CHAF1A: variants seen among roughly 807,000 people sequenced by gnomAD.
The protein encoded by CHAF1A is CAF-1 subunit A.
In CHAF1A, 5 loss-of-function variants were observed where a neutral mutation model predicts 93.2. The observed-to-expected ratio is 0.05, with a 90% CI of 0.03 to 0.11. The LOEUF (loss-of-function observed/expected upper bound fraction) is 0.11, where lower values mean the gene tolerates loss of function less well. CHAF1A is among the 10% of genes least tolerant of loss of function. The probability of loss-of-function intolerance (pLI) is 1.00; values close to 1 mark genes in which losing one functional copy is unlikely to be tolerated. For synonymous variants in CHAF1A, 504 were observed against 510.3 expected (o/e 0.99, Z 0.17); for missense variants, 1,102 against 1,259.9 (o/e 0.87, Z 1.90).
downstream of CHAF1A, chr19:4,447,077 C>T (rs1462094000): frequency 1.5e-6 from 1 of 675,222 alleles, no homozygotes; most frequent in Non-Finnish European, 2.5e-6. Context: ...GGATGCAAAC[C>T]TGCTTTTCTA....
chr19:4,448,127 T>C (rs1974576807), downstream of CHAF1A: 1 of 607,752 alleles, frequency 1.6e-6, no homozygotes. Context: ...TGCACACGGG[T>C]AAACTGAGGC....
downstream of CHAF1A, chr19:4,446,859 A>C: frequency 6.2e-7 from 1 of 1,613,916 alleles, no homozygotes; most frequent in Non-Finnish European, 8.5e-7. Flanking sequence ...GGGAAGCAAC[A>C]CCTTCTGGAA....
chr19:4,431,128 CTTT>C (rs1275892345), intron 11 of CHAF1A: 3 of 143,962 alleles, frequency 2.1e-5, no homozygotes, highest in Admixed American at 7.0e-5. Context: ...GTGGAACTGT[CTTT>C]TTTTTTTTTT....
chr19:4,435,087 C>CTTTTTTTTTTTT (rs869255408), intron 13 of CHAF1A, among the ~76,000 whole-genome samples: 6 of 87,964 alleles, frequency 6.8e-5, no homozygotes, highest in African/African-American at 1.9e-4. Flanking sequence ...CTTTTTTTTC[C>CTTTTTTTTTTTT]TTTTTTTTTT....
intron 2 of CHAF1A, among the ~76,000 whole-genome samples, chr19:4,408,278 C>T (rs910319360): frequency 4.7e-5 from 7 of 148,808 alleles, no homozygotes; most frequent in African/African-American, 1.5e-4. Flanking sequence ...CTGCAGGCTC[C>T]GCCCCCCGGG....
At chr19:4,420,527 G>A (rs900908332) in intron 4 of CHAF1A, among the ~76,000 whole-genome samples, 1 of 152,224 alleles carries the variant, frequency 6.6e-6, no homozygotes, top group African/African-American at 2.4e-5. Flanking sequence ...ACAGGTGGGA[G>A]CCTGCGCCTG....
At chr19:4,441,729 C>G (rs1189897299) in intron 13 of CHAF1A, among the ~76,000 whole-genome samples, 1 of 151,996 alleles carries the variant, frequency 6.6e-6, no homozygotes, top group East Asian at 1.9e-4. Context: ...CACGATGAAA[C>G]CCCGTCTCTA....
chr19:4,432,199 A>C lies in CHAF1A; in HGVS notation c.2195A>C (p.Asp732Ala). 1 of 1,604,936 alleles carries C rather than the reference A, an allele frequency of 6.2e-7. No homozygotes were observed. Among genetic ancestry groups the C allele is most frequent in the Non-Finnish European group, 8.5e-7 (1 of 1,175,168 alleles). ...AAGGCCTCCAAGCGGGAGAGGAGAG[A>C]CGAGCAGAGTGAGTGTGGGCGGGGC... is the stretch of plus-strand genomic sequence containing the variant. ...TPKASKRERR[D>A]EQILAQLLPL... The change falls in exon 12 of 15, where the codon GAC becomes GCC. Residue 732 changes from aspartate to alanine, a missense_variant. Physicochemically the swap from Asp to Ala is moderately radical, Grantham distance 126. Around this residue, in one of 6 missense-constraint regions of CHAF1A, gnomAD observed 335 missense variants for 361.9 expected, o/e 0.93. Transcript: ENST00000301280.
At position 4,432,033 on chromosome 19, in the gene CHAF1A, C is replaced by A; in HGVS notation, c.2029C>A (p.Arg677Ser). 6.2e-7 allele frequency: 1 copy of A among 1,614,144 alleles called. No individual in the cohort carries two copies. Among genetic ancestry groups the A allele is most frequent in the Non-Finnish European group, 8.5e-7 (1 of 1,180,024 alleles). Residue 677 changes from arginine (R) to serine (S), a missense_variant, in exon 12 of 15, where the codon CGC becomes AGC. Arg to Ser is a moderately radical substitution (Grantham distance 110). Around this residue, in one of 6 missense-constraint regions of CHAF1A, gnomAD observed 335 missense variants for 361.9 expected, o/e 0.93. Coordinates refer to ENST00000301280, the MANE Select transcript of CHAF1A (RefSeq NM_005483.3). The stretch of plus-strand genomic sequence containing the variant: ...GGACGAGTTCCTGGCTAAGGGGAAG[C>A]GCTTTCGCGTCCTGCAACCTGTGAA... ...EWDEFLAKGK[R>S]FRVLQPVKIG...
chr19:4,421,091 G>GT (rs969900651), intron 4 of CHAF1A, among the ~76,000 whole-genome samples: 1 of 151,976 alleles, frequency 6.6e-6, no homozygotes, highest in East Asian at 1.9e-4. Flanking sequence ...ATGTTTTTTT[G>GT]TTTTGTTTTT....
At chr19:4,434,594 C>T (rs1489351082) in intron 13 of CHAF1A, among the ~76,000 whole-genome samples, 1 of 152,156 alleles carries the variant, frequency 6.6e-6, no homozygotes, top group African/African-American at 2.4e-5. Flanking sequence ...GGAATCGCAT[C>T]GTGTGTGGCT....
At chr19:4,446,569 G>C (rs749182866), downstream of CHAF1A, 1 of 1,612,532 alleles carries the variant, frequency 6.2e-7, no homozygotes, top group Non-Finnish European at 8.5e-7. Flanking sequence ...TTCGAACTGC[G>C]AGGCCAGGGG....
chr19:4,410,589 C>T (rs1394715349), intron 3 of CHAF1A, among the ~76,000 whole-genome samples: 1 of 152,066 alleles, frequency 6.6e-6, no homozygotes, highest in Non-Finnish European at 1.5e-5. Context: ...CTATCTTGGC[C>T]AGGCTGGTCT....
chr19:4,409,514 A>G lies in CHAF1A; in HGVS notation c.715A>G (p.Met239Val), dbSNP rs2230635. The G allele has an allele frequency of 5.2e-3, 8,391 of 1,614,052 alleles. 338 individuals are homozygous for G. In the African/African-American group the frequency reaches 0.09, roughly 17 times the overall value. Residue 239 changes from methionine (M) to valine (V), a missense_variant, in exon 3 of 15, where the codon ATG (methionine) becomes GTG (valine). Met to Val is a conservative substitution (Grantham distance 21, BLOSUM62 1). Transcript: ENST00000301280. ...CATCCTGTTCAAAGGGAAGGTGCCT[A>G]TGGTGGTCTTGCAGGACATCTTGGC... ...GGILFKGKVP[M>V]VVLQDILAVR...
At chr19:4,447,122 C>T, downstream of CHAF1A, 1 of 609,932 alleles carries the variant, frequency 1.6e-6, no homozygotes, top group Non-Finnish European at 2.9e-6. Flanking sequence ...CAGCTCTGCA[C>T]AGAGGAAAGA....
Position 4,402,646 on chromosome 19 carries a change from C to T in CHAF1A, c.-117C>T, listed in dbSNP as rs1312507312. ...GGGTCGCCGCGGTTCCCGCCAAATA[C>T]GAGCGCGGCGGCCGCGGCGGCAGCA... On this transcript the variant is annotated 5_prime_UTR_variant, in exon 1 of 15. It adds an upstream start codon to the 5' untranslated region. Coordinates refer to ENST00000301280, the MANE Select transcript of CHAF1A (RefSeq NM_005483.3). 3.2e-6 allele frequency: 2 copies of T among 619,702 alleles called. No homozygotes were observed. Among genetic ancestry groups the T allele is most frequent in the East Asian group, 4.6e-5 (1 of 21,588 alleles). The allele number at this position is 619,702 out of a possible 1,614,324, so 38.4% of individuals were successfully genotyped here. A position where few individuals can be genotyped will look rare whatever the true frequency, so the allele number is the denominator to read the frequency against.
chr19:4,437,346 C>T (rs1974303605), intron 13 of CHAF1A, among the ~76,000 whole-genome samples: 1 of 152,040 alleles, frequency 6.6e-6, no homozygotes, highest in African/African-American at 2.4e-5. Context: ...GGGACATGTG[C>T]CCTGGCATCC....
At chr19:4,447,896 G>A (rs1974571025), downstream of CHAF1A, 1 of 524,630 alleles carries the variant, frequency 1.9e-6, no homozygotes, top group African/African-American at 1.9e-5. Flanking sequence ...CACAGCGGTG[G>A]GGAAGCCACA....
chr19:4,437,082 G>T (rs370323819), intron 13 of CHAF1A, among the ~76,000 whole-genome samples: 157 of 152,340 alleles, frequency 1.0e-3, no homozygotes, highest in African/African-American at 3.6e-3. Flanking sequence ...GTGATTGGTG[G>T]CCTCTGCTGC....
Sources: allele counts gnomAD v4.1 joint callset (sites outside exome capture counted in the v4.1 genomes callset), GRCh38; gene constraint gnomAD v4.1.1; regional missense constraint gnomAD v4.1.1; transcripts MANE v1.5; gene names NCBI Gene and HGNC (gene_info 2026-07-23, HGNC 2026-07-21).